Variants in ALS2 observed in about 807,000 individuals in gnomAD.
ALS2 encodes alsin.
In ALS2, 117 loss-of-function variants were observed where a neutral mutation model predicts 203.4. That is an observed-to-expected ratio of 0.58 (90% CI 0.50 to 0.67). The LOEUF (loss-of-function observed/expected upper bound fraction) is 0.67, where lower values mean the gene tolerates loss of function less well. Ranked by LOEUF, ALS2 falls within the 30% of genes least tolerant of loss-of-function variation. The pLI, the probability that ALS2 is intolerant of heterozygous loss-of-function variation, is 0.00. For missense variants in ALS2, 1,715 were observed against 1,989.4 expected (o/e 0.86, Z 2.62); for synonymous variants, 718 against 725.9 (o/e 0.99, Z 0.17).
chr2:201,752,994 G>A (rs1693158224), intron 7 of ALS2, 152 bp downstream of exon 7: 1 of 732,438 alleles, frequency 1.4e-6, no homozygotes, highest in Admixed American at 2.0e-5. Context: ...TCTGTAAAGT[G>A]GAAATAATAC....
chr2:201,724,221 A>G, intron 21 of ALS2, 74 bp downstream of exon 21: 1 of 1,494,286 alleles, frequency 6.7e-7, no homozygotes. Context: ...CAAAATAAGT[A>G]TAAACTGCTT....
chr2:201,733,235 T>C, intron 13 of ALS2, 41 bp downstream of exon 13: 1 of 1,606,084 alleles, frequency 6.2e-7, no homozygotes, highest in Non-Finnish European at 8.5e-7. Context: ...CTATGATCCT[T>C]GGCTTTCCAA....
intron 1 of ALS2, among the ~76,000 whole-genome samples, chr2:201,769,166 A>C (rs934210769): frequency 1.3e-5 from 2 of 152,202 alleles, no homozygotes; most frequent in East Asian, 3.8e-4. Context: ...ATGTAATGTC[A>C]AAGGAAGAAA....
At chr2:201,727,378 C>G in intron 16 of ALS2, 100 bp from the exon 17 acceptor site, 2 of 1,048,414 alleles carry the variant, frequency 1.9e-6, no homozygotes, top group South Asian at 1.3e-5. Flanking sequence ...TCAAGAGGAA[C>G]AGAAATCAAT....
intron 5 of ALS2, among the ~76,000 whole-genome samples, chr2:201,756,117 A>T (rs538637550): frequency 2.0e-5 from 3 of 152,304 alleles, no homozygotes; most frequent in African/African-American, 7.2e-5. Context: ...ACCATAGGAT[A>T]TAAGTCTATT....
intron 12 of ALS2, among the ~76,000 whole-genome samples, chr2:201,735,501 C>G (rs2106028681): frequency 6.6e-6 from 1 of 152,368 alleles, no homozygotes; most frequent in East Asian, 1.9e-4. Context: ...CCAAGATCCA[C>G]TAACAGCCAT....
intron 28 of ALS2, among the ~76,000 whole-genome samples, 154 bp from the exon 29 acceptor site, chr2:201,707,176 A>G (rs911363663): frequency 6.6e-6 from 1 of 152,242 alleles, no homozygotes; most frequent in Non-Finnish European, 1.5e-5. Context: ...TATGGAGTTG[A>G]TATGAGGACA....
chr2:201,750,120 C>G (rs778289638), intron 7 of ALS2, among the ~76,000 whole-genome samples: 2 of 149,386 alleles, frequency 1.3e-5, no homozygotes, highest in Non-Finnish European at 3.0e-5. Flanking sequence ...GAGCCAAGAT[C>G]ATGCCACTGC....
At chr2:201,779,257 G>T (rs1252103410) in intron 1 of ALS2, among the ~76,000 whole-genome samples, 2 of 151,950 alleles carry the variant, frequency 1.3e-5, no homozygotes, top group African/African-American at 4.8e-5. Context: ...CTCAAGTTTT[G>T]TTTTTTTCCC....
chr2:201,742,889 T>C (rs140151548), intron 10 of ALS2, among the ~76,000 whole-genome samples: 9 of 152,032 alleles, frequency 5.9e-5, no homozygotes, highest in African/African-American at 1.4e-4. Context: ...CTGGGAAACA[T>C]GGCAAAACCC....
chr2:201,722,227 T>C (rs1690847503), intron 23 of ALS2: 1 of 152,194 alleles, frequency 6.6e-6, no homozygotes, highest in Non-Finnish European at 1.5e-5. Context: ...TATGAATCAC[T>C]AATAAGCATG....
chr2:201,752,415 T>G (rs2106070093), intron 7 of ALS2, among the ~76,000 whole-genome samples: 1 of 152,266 alleles, frequency 6.6e-6, no homozygotes, highest in African/African-American at 2.4e-5. Flanking sequence ...TCCTTCCTAA[T>G]CTCTCATTTT....
intron 23 of ALS2, chr2:201,722,300 T>C (rs985189211): frequency 6.6e-6 from 1 of 152,194 alleles, no homozygotes; most frequent in Non-Finnish European, 1.5e-5. Context: ...TCATACCCAT[T>C]GGAATGGCTA....
chr2:201,702,003 G>T, intron 33 of ALS2, 114 bp from the exon 34 acceptor site: 2 of 916,334 alleles, frequency 2.2e-6, no homozygotes, highest in Non-Finnish European at 3.5e-6. Flanking sequence ...TCAGCTGATG[G>T]CCCAACAGAT....
In ALS2 at chr2:201,738,676, G is replaced by C; in HGVS notation, c.2411C>G (p.Pro804Arg). The stretch of plus-strand genomic sequence containing the variant: ...AAGGTGTGGGTTTGCTTACATGGCA[G>C]GCTTAGCAAGAAGCTGGAATCCTCC... ...VMGGFQLLAK[P>R]AIDFLNKNQE... The change falls in exon 12 of 34, where the codon CCT (proline) becomes CGT (arginine). Residue 804 changes from proline to arginine, a missense_variant. Pro to Arg is a moderately radical substitution (Grantham distance 103). Transcript: ENST00000264276. 1 of 1,613,904 alleles carries C rather than the reference G, an allele frequency of 6.2e-7. No homozygotes were observed.
rs529888092 is a variant in ALS2 at position 201,761,336 on chromosome 2, G to A, written c.658C>T (p.Leu220Phe). The change falls in exon 4 of 34, where the codon CTC (leucine) becomes TTC (phenylalanine). Residue 220 changes from leucine to phenylalanine, a missense_variant. Physicochemically the swap from Leu to Phe is conservative, Grantham distance 22 (BLOSUM62 0). This residue lies in a region of ALS2 where 476 missense variants were observed against 539.3 expected (regional missense o/e 0.88). Coordinates refer to ENST00000264276, the MANE Select transcript of ALS2 (RefSeq NM_020919.4). The stretch of plus-strand genomic sequence containing the variant: ...ACTGGCTTCAGATCCTGGGAAGGGA[G>A]GCATTGTACAAGGGCTAAGCTGTGG... ...AFHSLALVQCLPSQDLKPVPE... is the reference protein window; with the variant it reads ...AFHSLALVQCFPSQDLKPVPE... 5 of 1,614,100 alleles carry A rather than the reference G, an allele frequency of 3.1e-6. No individual in the cohort carries two copies. Among genetic ancestry groups the A allele is most frequent in the South Asian group, 1.1e-5 (1 of 91,076 alleles).
chr2:201,707,003 C>T lies in ALS2; in HGVS notation c.4423G>A (p.Gly1475Arg), dbSNP rs1362847023. The change falls in exon 29 of 34, where the codon GGA becomes AGA. Residue 1475 changes from glycine to arginine, a missense_variant. Coordinates refer to ENST00000264276, the MANE Select transcript of ALS2 (RefSeq NM_020919.4). Reference protein sequence around the residue: ...PEPGYVVTSSGLLLPVLLPRL... With the variant: ...PEPGYVVTSSRLLLPVLLPRL... ...GGTAGCAGCACAGGAAGCAATAATC[C>T]AGAACTCGTTACTACATAACTACAA... is the stretch of plus-strand genomic sequence containing the variant. The T allele has an allele frequency of 1.2e-6, 2 of 1,613,632 alleles. No individual in the cohort carries two copies.
Position 201,763,510 on chromosome 2 carries a change from C to T in ALS2, c.176-1692G>A, listed in dbSNP as rs1693884210. Reference sequence around the variant, plus strand: ...CTCCGTATCAGGAATTCACTGGCCACCTCGTCAAGACCCACACCAGAGTCT... The same window carrying T: ...CTCCGTATCAGGAATTCACTGGCCATCTCGTCAAGACCCACACCAGAGTCT... On this transcript the variant is annotated intron_variant, in intron 3 of 33. Transcript: ENST00000264276. The T allele has an allele frequency of 2.7e-5, 8 of 294,268 alleles. 1 individual carries two copies. In the South Asian group the frequency reaches 6.2e-4, roughly 23 times the overall value. The allele number at this position is 294,268 out of a possible 1,614,324, so 18.2% of individuals were successfully genotyped here.
At chr2:201,726,917 A>G (rs1691209372) in intron 17 of ALS2, 51 bp from the exon 18 acceptor site, 3 of 1,476,302 alleles carry the variant, frequency 2.0e-6, no homozygotes, top group Non-Finnish European at 2.8e-6. Context: ...TTCATCAAGC[A>G]TTGCTTTAAA....
Sources: gnomAD v4.1 joint callset for allele counts (sites outside exome capture counted in the v4.1 genomes callset) on GRCh38, gnomAD v4.1.1 for gene constraint, gnomAD v4.1.1 regional missense constraint, MANE v1.5 for transcripts, NCBI Gene and HGNC (gene_info 2026-07-23, HGNC 2026-07-21) for gene names.